The following METTL5 variants were observed in gnomAD, a reference collection of about 807,000 sequenced individuals.
METTL5 encodes the protein methyltransferase 5, N6-adenosine.
A neutral mutation model predicts 26.5 loss-of-function variants in METTL5; 28 were observed. That is an observed-to-expected ratio of 1.06 (90% CI 0.78 to 1.45). METTL5 has a LOEUF of 1.45. Among genes scored for constraint, METTL5 ranks in the 40% most tolerant of loss-of-function variants. The pLI is 0.00. For missense variants in METTL5, 231 were observed against 249.9 expected (o/e 0.92, Z 0.51); for synonymous variants, 86 against 82.6 (o/e 1.04, Z -0.22).
At chr2:169,813,100 C>T (rs979712119) in intron 5 of METTL5, 3 of 149,396 alleles carry the variant, frequency 2.0e-5, no homozygotes, top group African/African-American at 7.4e-5. Context: ...GATTCTAGTT[C>T]AGTAGGTCTG....
At chr2:169,818,846 T>G (rs892838802) in intron 4 of METTL5, among the ~76,000 whole-genome samples, 2 of 152,204 alleles carry the variant, frequency 1.3e-5, no homozygotes, top group South Asian at 4.1e-4. Flanking sequence ...ACAATTCTTA[T>G]GAAGTACAAT....
intron 1 of METTL5, 171 bp downstream of exon 1, chr2:169,824,318 G>C: frequency 3.3e-6 from 2 of 599,158 alleles, no homozygotes; most frequent in Non-Finnish European, 6.0e-6. Flanking sequence ...GTATGTCTGT[G>C]GAGGGTGTGC....
chr2:169,812,298 T>C (rs1377198295), intron 6 of METTL5, 159 bp downstream of exon 6: 10 of 1,187,344 alleles, frequency 8.4e-6, no homozygotes, highest in Non-Finnish European at 1.2e-5. Context: ...TGGAGTTCAG[T>C]GGGGCAATCT....
intron 4 of METTL5, among the ~76,000 whole-genome samples, chr2:169,816,230 A>C (rs2081503613): frequency 6.6e-6 from 1 of 152,176 alleles, no homozygotes; most frequent in African/African-American, 2.4e-5. Context: ...GTACATGGGG[A>C]ATTCAGTTCA....
intron 1 of METTL5, among the ~76,000 whole-genome samples, chr2:169,822,660 G>T (rs1353118841): frequency 6.6e-6 from 1 of 151,422 alleles, no homozygotes; most frequent in Non-Finnish European, 1.5e-5. Flanking sequence ...CGAACTCCAG[G>T]GCTCAAGTGA....
At position 169,812,484 on chromosome 2, in the gene METTL5, T is replaced by C. The variant is rs763894137; in HGVS notation, c.564A>G (p.Ala188=). 6.2e-7 allele frequency: 1 copy of C among 1,614,136 alleles called. No individual in the cohort carries two copies. Among genetic ancestry groups the C allele is most frequent in the Admixed American group, 1.7e-5 (1 of 60,018 alleles). ...IIAELRYDLP[A]SYKFHKKKSV... ...ATTTCTTTTTGTGAAACTTGTATGA[T>C]GCTGGCAGGTCATATCGAAGTTCTG... Residue 188 remains alanine, a synonymous_variant, in exon 6 of 7, where the codon GCA becomes GCG. Coordinates refer to ENST00000260953, the MANE Select transcript of METTL5 (RefSeq NM_014168.4).
At chr2:169,817,115 T>C (rs868337908) in intron 4 of METTL5, among the ~76,000 whole-genome samples, 1 of 150,536 alleles carries the variant, frequency 6.6e-6, no homozygotes, top group Non-Finnish European at 1.5e-5. Context: ...ATCAAAAAAG[T>C]GGGCAAAAGA....
intron 3 of METTL5, among the ~76,000 whole-genome samples, chr2:169,820,479 G>T (rs1480360345): frequency 6.6e-6 from 1 of 152,154 alleles, no homozygotes; most frequent in African/African-American, 2.4e-5. Flanking sequence ...GCAAATGGGA[G>T]ATATACAATA....
chr2:169,821,741 A>G (rs896159563), intron 2 of METTL5, among the ~76,000 whole-genome samples: 7 of 152,172 alleles, frequency 4.6e-5, no homozygotes, highest in Non-Finnish European at 8.8e-5. Flanking sequence ...AGGTTTGTAT[A>G]AAAGGAACTG....
At chr2:169,819,826 A>C (rs1399137899) in intron 3 of METTL5, among the ~76,000 whole-genome samples, 183 bp from the exon 4 acceptor site, 2 of 152,238 alleles carry the variant, frequency 1.3e-5, no homozygotes, top group African/African-American at 2.4e-5. Flanking sequence ...CCAGAATTAT[A>C]CTGTCTTGGT....
intron 1 of METTL5, among the ~76,000 whole-genome samples, chr2:169,822,471 G>A (rs144742021): frequency 1.1e-3 from 164 of 152,120 alleles, no homozygotes; most frequent in African/African-American, 3.8e-3. Context: ...ATCCTTTTTT[G>A]TCAACATAAA....
rs770583147 is a variant in METTL5, at chr2:169,821,114, G to A, written c.384C>T (p.Pro128=). The change falls in exon 3 of 7, where the codon CCC becomes CCT. Residue 128 remains proline (P), a synonymous_variant. Transcript: ENST00000260953. Reference sequence around the variant, plus strand: ...AACCTTTATTATTTTTGGTCCCAAAGGGAGGATTCATAATTACTGTATCGA... The same window carrying A: ...AACCTTTATTATTTTTGGTCCCAAAAGGAGGATTCATAATTACTGTATCGA... ...KSFDTVIMNP[P]FGTKNNKGTD... 1 of 1,599,584 alleles carries A rather than the reference G, an allele frequency of 6.3e-7. No individual in the cohort carries two copies. The highest frequency in any genetic ancestry group is 2.3e-5 in the East Asian group (1 of 44,436).
intron 1 of METTL5, among the ~76,000 whole-genome samples, chr2:169,823,761 C>T (rs942172473): frequency 6.6e-6 from 1 of 152,132 alleles, no homozygotes; most frequent in Non-Finnish European, 1.5e-5. Flanking sequence ...GTCAAGGCTG[C>T]AGTTGCCGTG....
chr2:169,824,461 C>G (rs372096437), intron 1 of METTL5, 28 bp downstream of exon 1: 1 of 1,508,190 alleles, frequency 6.6e-7, no homozygotes, highest in African/African-American at 1.4e-5. Context: ...ACGCCGAAAG[C>G]CGGGGCGTGG....
At chr2:169,812,226 T>C (rs1359820292) in intron 6 of METTL5, 3 of 648,626 alleles carry the variant, frequency 4.6e-6, no homozygotes, top group Non-Finnish European at 7.6e-6. Flanking sequence ...AATAATTACT[T>C]GTCACAAAGC....
intron 2 of METTL5, 27 bp from the exon 3 acceptor site, chr2:169,821,300 G>C: frequency 6.6e-7 from 1 of 1,505,828 alleles, no homozygotes; most frequent in Non-Finnish European, 8.9e-7. Flanking sequence ...CATACAAAGA[G>C]TGGCGACTTA....
intron 4 of METTL5, among the ~76,000 whole-genome samples, chr2:169,816,334 A>G (rs2081504444): frequency 6.6e-6 from 1 of 152,190 alleles, no homozygotes; most frequent in Non-Finnish European, 1.5e-5. Context: ...AGTTTCTCCG[A>G]AAGTGTAGAG....
At chr2:169,819,469 T>A in intron 4 of METTL5, 92 bp downstream of exon 4, 2 of 888,772 alleles carry the variant, frequency 2.3e-6, no homozygotes, top group Non-Finnish European at 3.5e-6. Flanking sequence ...GAGAAATAGA[T>A]ACTGTGGTAT....
At chr2:169,818,044 C>T (rs2081533402) in intron 4 of METTL5, among the ~76,000 whole-genome samples, 1 of 152,030 alleles carries the variant, frequency 6.6e-6, no homozygotes, top group South Asian at 2.1e-4. Flanking sequence ...GGAAGCCTCC[C>T]ACTCCCTACT....
Sources: gnomAD v4.1 joint callset for allele counts (sites outside exome capture counted in the v4.1 genomes callset) on GRCh38, gnomAD v4.1.1 for gene constraint, MANE v1.5 for transcripts, NCBI Gene and HGNC (gene_info 2026-07-23, HGNC 2026-07-21) for gene names.